The following MCTP1 variants were observed in gnomAD, a reference collection of about 807,000 sequenced individuals.
MCTP1 encodes the protein multiple C2 and transmembrane domain containing 1, also known as multiple C2 and transmembrane domain-containing protein 1.
Under a neutral mutation model 120.6 loss-of-function variants are expected in MCTP1, and 69 were observed. That is an observed-to-expected ratio of 0.57 (90% CI 0.47 to 0.70). MCTP1 has a LOEUF of 0.70. Ranked by LOEUF, MCTP1 falls within the 30% of genes least tolerant of loss-of-function variation. The pLI is 0.00. For synonymous variants in MCTP1, 529 were observed against 493.1 expected (o/e 1.07, Z -0.96); for missense variants, 1,203 against 1,248.8 (o/e 0.96, Z 0.55).
intron 19 of MCTP1, among the ~76,000 whole-genome samples, chr5:94,742,517 C>T (rs1013169610): frequency 6.6e-6 from 1 of 152,198 alleles, no homozygotes; most frequent in Non-Finnish European, 1.5e-5. Context: ...AGGTCAAACC[C>T]ACAAGTGCTC....
intron 1 of MCTP1, among the ~76,000 whole-genome samples, chr5:95,091,313 T>C (rs1025991402): frequency 3.3e-5 from 5 of 152,228 alleles, no homozygotes; most frequent in Non-Finnish European, 7.3e-5. Flanking sequence ...TCATAATTCA[T>C]TGCAGGAACT....
At chr5:95,227,346 T>C (rs980937116) in intron 1 of MCTP1, among the ~76,000 whole-genome samples, 3 of 152,222 alleles carry the variant, frequency 2.0e-5, no homozygotes, top group African/African-American at 7.2e-5. Flanking sequence ...AAGCTTGGGA[T>C]GTGTGTAGTT....
At chr5:94,768,078 A>G (rs574806470) in intron 19 of MCTP1, among the ~76,000 whole-genome samples, 136 of 152,296 alleles carry the variant, frequency 8.9e-4, no homozygotes, top group African/African-American at 3.1e-3. Context: ...AGACCAGAAC[A>G]GAGAGCTCAG....
chr5:95,025,491 A>G (rs563066789), intron 1 of MCTP1, among the ~76,000 whole-genome samples: 2 of 152,342 alleles, frequency 1.3e-5, no homozygotes, highest in African/African-American at 4.8e-5. Flanking sequence ...TGCAAAGTAC[A>G]AAGTTTTAAG....
chr5:94,852,419 C>T (rs1215021408), intron 17 of MCTP1, among the ~76,000 whole-genome samples: 2 of 151,780 alleles, frequency 1.3e-5, no homozygotes, highest in African/African-American at 4.8e-5. Flanking sequence ...CTTAATTCTA[C>T]CCATAGCATA....
intron 3 of MCTP1, among the ~76,000 whole-genome samples, chr5:94,950,573 C>T (rs1053343105): frequency 3.9e-5 from 6 of 152,042 alleles, no homozygotes; most frequent in South Asian, 2.1e-4. Flanking sequence ...TAGATACATA[C>T]ATATATACAC....
At chr5:94,827,982 C>T (rs562959632) in intron 17 of MCTP1, among the ~76,000 whole-genome samples, 1 of 151,812 alleles carries the variant, frequency 6.6e-6, no homozygotes, top group Non-Finnish European at 1.5e-5. Context: ...ACTCATTTTC[C>T]GTTCAGTTTG....
At chr5:95,085,232 G>A (rs976174933) in intron 1 of MCTP1, among the ~76,000 whole-genome samples, 4 of 151,724 alleles carry the variant, frequency 2.6e-5, no homozygotes, top group Admixed American at 6.6e-5. Flanking sequence ...AAAAGTAAAC[G>A]CCCTCCTGAG....
chr5:95,270,225 A>C (rs1194765580), intron 1 of MCTP1, among the ~76,000 whole-genome samples: 1 of 152,148 alleles, frequency 6.6e-6, no homozygotes, highest in African/African-American at 2.4e-5. Flanking sequence ...GGCACAACCT[A>C]CTTCAGGCAG....
intron 17 of MCTP1, among the ~76,000 whole-genome samples, chr5:94,859,319 T>A (rs1795300542): frequency 6.6e-6 from 1 of 151,612 alleles, no homozygotes; most frequent in Admixed American, 6.6e-5. Context: ...GGGGACAGGG[T>A]AGAGCCAGAA....
At chr5:95,137,061 T>G (rs902930124) in intron 1 of MCTP1, among the ~76,000 whole-genome samples, 2 of 152,224 alleles carry the variant, frequency 1.3e-5, no homozygotes, top group African/African-American at 4.8e-5. Flanking sequence ...ATTTTCAGCT[T>G]ATAGCAGAAA....
At chr5:94,949,631 A>C (rs1291695959) in intron 3 of MCTP1, among the ~76,000 whole-genome samples, 1 of 152,154 alleles carries the variant, frequency 6.6e-6, no homozygotes, top group Non-Finnish European at 1.5e-5. Flanking sequence ...ACTTTGGCTC[A>C]GAACTGAATT....
At chr5:95,078,892 T>C (rs1754251458) in intron 1 of MCTP1, among the ~76,000 whole-genome samples, 1 of 152,178 alleles carries the variant, frequency 6.6e-6, no homozygotes, top group African/African-American at 2.4e-5. Flanking sequence ...AGATAGTTCA[T>C]AAATAGTTAT....
At chr5:95,274,262 T>C (rs1305527379) in intron 1 of MCTP1, among the ~76,000 whole-genome samples, 3 of 152,158 alleles carry the variant, frequency 2.0e-5, no homozygotes, top group Non-Finnish European at 4.4e-5. Context: ...TCTCCCTATG[T>C]CCAAATCCTA....
At chr5:95,153,238 C>CGACCT (rs1744735510) in intron 1 of MCTP1, among the ~76,000 whole-genome samples, 1 of 152,130 alleles carries the variant, frequency 6.6e-6, no homozygotes, top group African/African-American at 2.4e-5. Context: ...GCATTCCCCC[C>CGACCT]GACCTCTCCT....
intron 12 of MCTP1, among the ~76,000 whole-genome samples, chr5:94,882,571 C>T (rs745728185): frequency 1.3e-5 from 2 of 152,208 alleles, no homozygotes; most frequent in Middle Eastern, 3.4e-3. Context: ...AACAATGATT[C>T]TAGCATCATG....
chr5:94,743,283 T>C lies in MCTP1; in HGVS notation c.2611-28397A>G, dbSNP rs183004077. Among the ~76,000 whole-genome samples, 307 of 151,264 alleles carry C rather than the reference T, an allele frequency of 2.0e-3. 1 individual carries two copies. The highest frequency in any genetic ancestry group is 7.2e-3 in the African/African-American group (298 of 41,252). On this transcript the variant is annotated intron_variant, in intron 19 of 22. Coordinates refer to ENST00000515393, the MANE Select transcript of MCTP1 (RefSeq NM_024717.7). ...GAGCAGTATTAAATGTTGAACTTAT[T>C]AGCAAATCTGCAGGCTTATATTTCA...
intron 2 of MCTP1, among the ~76,000 whole-genome samples, chr5:94,993,672 C>T (rs1832050964): frequency 6.6e-6 from 1 of 152,162 alleles, no homozygotes; most frequent in South Asian, 2.1e-4. Context: ...AATGCAGCTG[C>T]CATCTGTTCT....
At chr5:94,775,913 A>AAT (rs1173901980) in intron 19 of MCTP1, among the ~76,000 whole-genome samples, 2 of 147,830 alleles carry the variant, frequency 1.4e-5, no homozygotes, top group African/African-American at 4.9e-5. Flanking sequence ...AAAAACAACT[A>AAT]ATATATATAT....
Sources: gnomAD v4.1 joint callset for allele counts (sites outside exome capture counted in the v4.1 genomes callset) on GRCh38, gnomAD v4.1.1 for gene constraint, MANE v1.5 for transcripts, NCBI Gene and HGNC (gene_info 2026-07-23, HGNC 2026-07-21) for gene names.